The following DZANK1 variants were observed in gnomAD, a reference collection of about 807,000 sequenced individuals.
DZANK1 encodes double zinc ribbon and ankyrin repeat-containing protein 1.
DZANK1 carries 91 observed loss-of-function variants against 94.5 expected under a neutral mutation model. That is an observed-to-expected ratio of 0.96 (90% CI 0.81 to 1.15). The LOEUF is 1.15. Among genes scored for constraint, DZANK1 ranks in the 50% most tolerant of loss-of-function variants. DZANK1 has a pLI of 0.00. For missense variants in DZANK1, 903 were observed against 916.4 expected (o/e 0.99, Z 0.19); for synonymous variants, 312 against 325.3 (o/e 0.96, Z 0.44).
intron 10 of DZANK1, among the ~76,000 whole-genome samples, chr20:18,419,281 A>G (rs1170960477): frequency 6.6e-6 from 1 of 151,182 alleles, no homozygotes; most frequent in Non-Finnish European, 1.5e-5. Context: ...AAAAAAAATG[A>G]ACAGAACCTC....
At position 18,428,249 on chromosome 20, in the gene DZANK1, C is replaced by T. The variant is rs893244378; in HGVS notation, c.862-1090G>A. On this transcript the variant is annotated intron_variant, in intron 9 of 20. Transcript: ENST00000262547. ...TGTCACCCAGGCTGGCGTGCAGTGG[C>T]GAGATCTCAGCTCACTGCAACCTCT... is the stretch of plus-strand genomic sequence containing the variant. Among the ~76,000 whole-genome samples, 8 of 151,112 alleles carry T rather than the reference C, an allele frequency of 5.3e-5. 1 individual carries two copies. The highest frequency in any genetic ancestry group is 2.1e-4 in the South Asian group (1 of 4,738).
intron 6 of DZANK1, among the ~76,000 whole-genome samples, chr20:18,452,152 G>A (rs1273515638): frequency 1.3e-5 from 2 of 151,770 alleles, no homozygotes; most frequent in East Asian, 3.9e-4. Context: ...CTTGGGGATT[G>A]GTTTGAAGCT....
intron 9 of DZANK1, among the ~76,000 whole-genome samples, chr20:18,427,606 G>GGGGTGTGTGTGT (rs112783791): frequency 5.6e-4 from 83 of 148,788 alleles, no homozygotes; most frequent in Middle Eastern, 3.5e-3. Flanking sequence ...TGTAAGGTTG[G>GGGGTGTGTGTGT]GTGTGTGTGT....
At chr20:18,384,207 GC>G in exon 21 of DZANK1, 1 of 466,368 alleles carries the variant, frequency 2.1e-6, no homozygotes, top group Non-Finnish European at 3.7e-6. Context: ...TTACAGGCAT[GC>G]ACCACTACGC....
chr20:18,452,499 G>T lies in DZANK1; in HGVS notation c.543+116C>A, dbSNP rs1340236804. On this transcript the variant is annotated intron_variant, in intron 6 of 20. Transcript: ENST00000262547. ...GTCCAGTACAGTATTCCCAGCACTA[G>T]AACAGTGCCTGGCACATGGTCAAAA... 3.2e-6 allele frequency: 4 copies of T among 1,243,256 alleles called. No homozygotes were observed. In the South Asian group the frequency reaches 6.5e-5, roughly 20 times the overall value. 77.0% of individuals were successfully genotyped at this position (1,243,256 alleles called of 1,614,324 possible). A position where few individuals can be genotyped will look rare whatever the true frequency, so the allele number is the denominator to read the frequency against.
exon 21 of DZANK1, chr20:18,383,381 A>G (rs1304909134): frequency 3.9e-5 from 6 of 152,228 alleles, no homozygotes; most frequent in Non-Finnish European, 7.3e-5. Context: ...ACATTCTTAT[A>G]AGTGGTTTAT....
chr20:18,435,763 T>TA (rs527816359), intron 8 of DZANK1, among the ~76,000 whole-genome samples: 1,888 of 138,774 alleles, frequency 0.014, 17 homozygotes, highest in African/African-American at 0.031. Flanking sequence ...AAAGTATAAT[T>TA]AAAAAAAAAA....
In DZANK1 at chr20:18,433,656, A is replaced by T; in HGVS notation, c.857T>A (p.Leu286Ter). ...TACAGAATCACATTTCATTACCTTCAAGTGGAGGCTTGCCTGTGGCTGCAG... is the reference window on the plus strand; with the variant it reads ...TACAGAATCACATTTCATTACCTTCTAGTGGAGGCTTGCCTGTGGCTGCAG... The change falls in exon 9 of 21, where the codon TTG (leucine) becomes TAG (stop). Residue 286 changes from leucine to a stop codon, truncating the protein, a stop_gained. Transcript: ENST00000262547. LOFTEE classifies it high-confidence loss of function. 6.2e-7 allele frequency: 1 copy of T among 1,613,612 alleles called. No homozygotes were observed. Among genetic ancestry groups the T allele is most frequent in the Non-Finnish European group, 8.5e-7 (1 of 1,179,494 alleles).
At chr20:18,418,945 T>C (rs921181643) in intron 10 of DZANK1, among the ~76,000 whole-genome samples, 5 of 151,982 alleles carry the variant, frequency 3.3e-5, no homozygotes, top group African/African-American at 9.7e-5. Flanking sequence ...AATCATACAA[T>C]GTGAAGAGAA....
intron 9 of DZANK1, among the ~76,000 whole-genome samples, chr20:18,428,150 C>CAA (rs771686647): frequency 1.9e-5 from 2 of 103,412 alleles, no homozygotes; most frequent in African/African-American, 7.2e-5. Context: ...GACTCCGTCT[C>CAA]AAAAAAAAAA....
At chr20:18,447,412 C>T (rs1259963386) in intron 7 of DZANK1, among the ~76,000 whole-genome samples, 1 of 152,216 alleles carries the variant, frequency 6.6e-6, no homozygotes, top group Non-Finnish European at 1.5e-5. Flanking sequence ...ACCTCCGCCT[C>T]CCGGGTTCAA....
rs543886491 is a variant in DZANK1 at position 18,441,147 on chromosome 20, G to A, written c.747+2200C>T. 2.0e-5 allele frequency among the ~76,000 whole-genome samples: 3 copies of A among 152,252 alleles called. No homozygotes were observed. Among genetic ancestry groups the A allele is most frequent in the African/African-American group, 4.8e-5 (2 of 41,548 alleles). On this transcript the variant is annotated intron_variant, in intron 8 of 20. Coordinates refer to ENST00000262547, the Ensembl canonical transcript of DZANK1. The surrounding 1 kb of genome is among the most constrained non-coding windows in gnomAD (Gnocchi z 4.1). ...GTCATTGTCACTGTCATAGAGTCAA[G>A]TGCAGCAGTTACTTGGCCATTCAAG...
chr20:18,457,409 G>A (rs535546833), intron 3 of DZANK1, among the ~76,000 whole-genome samples: 5 of 152,176 alleles, frequency 3.3e-5, no homozygotes, highest in South Asian at 2.1e-4. Context: ...CCCACGAGGC[G>A]GAGGTTGCAG....
At chr20:18,463,946 TTTCC>T (rs1056941077) in intron 2 of DZANK1, among the ~76,000 whole-genome samples, 1 of 152,236 alleles carries the variant, frequency 6.6e-6, no homozygotes, top group Non-Finnish European at 1.5e-5. Context: ...CCTGTGAAAC[TTTCC>T]TTCCTTATGT....
exon 21 of DZANK1, chr20:18,384,341 A>G (rs1012695345): frequency 1.3e-5 from 19 of 1,519,166 alleles, no homozygotes; most frequent in East Asian, 4.7e-5. Context: ...TTACAGGCGT[A>G]AGCCACTGTG....
At chr20:18,454,120 C>T in intron 4 of DZANK1, 1 of 459,600 alleles carries the variant, frequency 2.2e-6, no homozygotes. Flanking sequence ...GTCTGGGTAA[C>T]AACAGAGGGA....
chr20:18,415,661 T>C (rs1023139823), intron 10 of DZANK1, among the ~76,000 whole-genome samples: 1 of 152,202 alleles, frequency 6.6e-6, no homozygotes, highest in Non-Finnish European at 1.5e-5. Context: ...CATTCCTTCA[T>C]GGAGATAACA....
Position 18,413,779 on chromosome 20 carries a change from CA to C in DZANK1, c.1242+568del, listed in dbSNP as rs59625250. ...TGAGCAACACAGCGAGACTCTGTCT[CA>C]AAAAAAAAAGGTCATGAACTCCCTA... On this transcript the variant is annotated intron_variant, in intron 12 of 20. Coordinates refer to ENST00000262547, the Ensembl canonical transcript of DZANK1. 2.6e-3 allele frequency among the ~76,000 whole-genome samples: 374 copies of C among 143,654 alleles called. 5 individuals carry two copies. The highest frequency in any genetic ancestry group is 0.021 in the Admixed American group (306 of 14,440). 94.2% of individuals were successfully genotyped at this position (143,654 alleles called of 152,430 possible). A position where few individuals can be genotyped will look rare whatever the true frequency, so the allele number is the denominator to read the frequency against.
At chr20:18,451,134 C>T (rs373930694) in intron 6 of DZANK1, among the ~76,000 whole-genome samples, 28 of 152,024 alleles carry the variant, frequency 1.8e-4, no homozygotes, top group African/African-American at 5.3e-4. Context: ...TCAGTAGAGA[C>T]GGGGTTTCAC....
Sources: allele counts gnomAD v4.1 joint callset (sites outside exome capture counted in the v4.1 genomes callset), GRCh38; gene constraint gnomAD v4.1.1; non-coding constraint Gnocchi (gnomAD v3.1); transcripts MANE v1.5; gene names NCBI Gene and HGNC (gene_info 2026-07-23, HGNC 2026-07-21).